MARS1: variants seen among roughly 807,000 people sequenced by gnomAD.
MARS1 encodes the protein methionyl-tRNA synthetase 1, also known as methionine--tRNA ligase, cytoplasmic.
In MARS1, 80 loss-of-function variants were observed where a neutral mutation model predicts 119.5. The ratio of observed to expected loss-of-function variants is 0.67; its 90% CI spans 0.56 to 0.81. The LOEUF is 0.81. MARS1 is among the 30% of genes least tolerant of loss of function. MARS1 has a pLI of 0.00. For missense variants in MARS1, 945 were observed against 1,116.5 expected, an observed-to-expected ratio of 0.85 and a Z score of 2.19; for synonymous variants, 418 against 433.4, an observed-to-expected ratio of 0.96 and a Z score of 0.44.
chr12:57,515,869 G>A, intron 18 of MARS1, 51 bp from the exon 19 acceptor site: 1 of 1,409,402 alleles, frequency 7.1e-7, no homozygotes, highest in African/African-American at 1.4e-5. Context: ...TATAGTCTAT[G>A]GTAGAGTCTG....
rs1875765721 is a variant in MARS1 at position 57,489,569 on chromosome 12, T to C, written c.414+11T>C. The C allele has an allele frequency of 6.2e-7, 1 of 1,613,914 alleles. No individual in the cohort carries two copies. Among genetic ancestry groups the C allele is most frequent in the Non-Finnish European group, 8.5e-7 (1 of 1,180,010 alleles). ...CCTTTCCTGGCTGGGGTGAGTTGGG[T>C]CTTGAGATGAGGACTGGGGAAGGCT... On this transcript the variant is annotated intron_variant, in intron 4 of 20. Transcript: ENST00000262027.
At chr12:57,504,021 A>C in intron 10 of MARS1, 1 of 584,706 alleles carries the variant, frequency 1.7e-6, no homozygotes, top group Non-Finnish European at 3.1e-6. Context: ...CAGAGATCTG[A>C]AACTCTGAGA....
rs779181351 is a variant in MARS1, at chr12:57,489,883, A to G, written c.415-13A>G. ...TCATTTGTGTACATTTTCCTTTTCT[A>G]TCCCCAACAAAGGAGACAGAATCTC... On this transcript the variant is annotated splice_polypyrimidine_tract_variant and intron_variant, in intron 4 of 20. Coordinates refer to ENST00000262027, the MANE Select transcript of MARS1 (RefSeq NM_004990.4). 4 of 1,612,096 alleles carry G rather than the reference A, an allele frequency of 2.5e-6. No homozygotes were observed. The highest frequency in any genetic ancestry group is 3.4e-6 in the Non-Finnish European group (4 of 1,178,162).
chr12:57,507,115 C>T (rs1877219281), intron 11 of MARS1, among the ~76,000 whole-genome samples: 1 of 151,544 alleles, frequency 6.6e-6, no homozygotes, highest in African/African-American at 2.4e-5. Flanking sequence ...CGCCCTTAAT[C>T]CATTTAACCC....
At position 57,512,352 on chromosome 12, in the gene MARS1, A is replaced by G. The variant is rs766539921; in HGVS notation, c.1752A>G (p.Thr584=). 1.9e-6 allele frequency: 3 copies of G among 1,607,720 alleles called. No homozygotes were observed. The highest frequency in any genetic ancestry group is 2.2e-5 in the South Asian group (2 of 90,928). ...NYTLVSHLIA[T]EYLNYEDGKF... ...CCTTGGTCAGCCACCTCATTGCTAC[A>G]GGTAAGTACCCTGGAAGACTACTGA... Residue 584 remains threonine (T), a splice_region_variant and synonymous_variant, in exon 14 of 21, where the codon ACA becomes ACG. Transcript: ENST00000262027.
At position 57,515,002 on chromosome 12, in the gene MARS1, C is replaced by G. The variant is rs747828520; in HGVS notation, c.2148C>G (p.Asn716Lys). The stretch of plus-strand genomic sequence containing the variant: ...TCCTCACCATATCTCGACATGGCAA[C>G]CAATATATTCAGGTGAATGAGCCCT... Reference protein sequence around the residue: ...RSILTISRHGNQYIQVNEPWK... With the variant: ...RSILTISRHGKQYIQVNEPWK... The change falls in exon 17 of 21, where the codon AAC (asparagine) becomes AAG (lysine). Residue 716 changes from asparagine (N) to lysine (K), a missense_variant. Physicochemically the swap from Asn to Lys is moderately conservative, Grantham distance 94. Transcript: ENST00000262027. The G allele has an allele frequency of 6.2e-7, 1 of 1,614,136 alleles. No individual in the cohort carries two copies. Among genetic ancestry groups the G allele is most frequent in the Non-Finnish European group, 8.5e-7 (1 of 1,180,042 alleles).
rs1398823090 is a variant in MARS1 at position 57,515,015 on chromosome 12, G to A, written c.2161G>A (p.Val721Met). The A allele has an allele frequency of 8.1e-6, 13 of 1,614,048 alleles. No homozygotes were observed. The highest frequency in any genetic ancestry group is 1.3e-5 in the African/African-American group (1 of 74,894). Reference protein sequence around the residue: ...ISRHGNQYIQVNEPWKRIKGS... With the variant: ...ISRHGNQYIQMNEPWKRIKGS... ...TCGACATGGCAACCAATATATTCAG[G>A]TGAATGAGCCCTGGAAGCGGATTAA... Residue 721 changes from valine to methionine, a missense_variant, in exon 17 of 21, where the codon GTG becomes ATG. Physicochemically the swap from Val to Met is conservative, Grantham distance 21. Coordinates refer to ENST00000262027, the MANE Select transcript of MARS1 (RefSeq NM_004990.4).
chr12:57,507,358 G>C (rs1037087649), intron 11 of MARS1, among the ~76,000 whole-genome samples: 1 of 147,844 alleles, frequency 6.8e-6, no homozygotes, highest in Non-Finnish European at 1.5e-5. Flanking sequence ...TTCTCAATGA[G>C]CTGTTGGGTA....
chr12:57,498,262 T>G lies in MARS1; in HGVS notation c.876T>G (p.Asp292Glu). Residue 292 changes from aspartate (D) to glutamate (E), a missense_variant, in exon 8 of 21, where the codon GAT becomes GAG. Asp to Glu is a conservative substitution (Grantham distance 45, BLOSUM62 2). Transcript: ENST00000262027. ...GNIIGCVLSA[D>E]VFARYSRLRQ... is the part of the protein sequence containing the mutation. The stretch of plus-strand genomic sequence containing the variant: ...TCATTGGTTGTGTGCTCAGTGCCGA[T>G]GTCTTTGCCAGGTGGAGCCAGCTGC... 1.2e-6 allele frequency: 2 copies of G among 1,614,106 alleles called. No individual in the cohort carries two copies. Among genetic ancestry groups the G allele is most frequent in the Non-Finnish European group, 1.7e-6 (2 of 1,179,950 alleles).
In MARS1 at chr12:57,494,920, C is replaced by T. The variant is rs1594815644; in HGVS notation, c.771-3237C>T. Among the ~76,000 whole-genome samples the T allele has an allele frequency of 3.9e-5, 6 of 152,318 alleles. No individual in the cohort carries two copies. The South Asian group carries it at 1.2e-3, about 32-fold the overall frequency. On this transcript the variant is annotated intron_variant, in intron 7 of 20. Coordinates refer to ENST00000262027, the MANE Select transcript of MARS1 (RefSeq NM_004990.4). ...ATGTCTACTTCTTTCCACACAGACA[C>T]AGTAACAATCTGATCTCTCTTTCTT...
chr12:57,514,157 CTTTTTTTT>C (rs568624285), intron 15 of MARS1, among the ~76,000 whole-genome samples: 1 of 131,222 alleles, frequency 7.6e-6, no homozygotes, highest in Non-Finnish European at 1.6e-5. Context: ...TGAGTAATGA[CTTTTTTTT>C]TTTTTTTTTG....
chr12:57,492,194 G>A (rs933362489), intron 7 of MARS1, among the ~76,000 whole-genome samples: 3 of 151,234 alleles, frequency 2.0e-5, no homozygotes, highest in Non-Finnish European at 4.4e-5. Flanking sequence ...CAGGAGAATC[G>A]CTTGAACCTG....
intron 7 of MARS1, among the ~76,000 whole-genome samples, chr12:57,493,530 A>T (rs1352964370): frequency 2.3e-4 from 2 of 8,884 alleles, no homozygotes; most frequent in Non-Finnish European, 2.3e-4. Flanking sequence ...AATATATTAT[A>T]ATATATAATA....
intron 1 of MARS1, chr12:57,488,523 C>T: frequency 2.6e-6 from 4 of 1,509,762 alleles, no homozygotes; most frequent in Non-Finnish European, 3.6e-6. Context: ...TCTTTAGTTA[C>T]TAGCATGACA....
chr12:57,504,155 C>A, intron 10 of MARS1, 70 bp from the exon 11 acceptor site: 1 of 1,034,104 alleles, frequency 9.7e-7, no homozygotes, highest in Non-Finnish European at 1.5e-6. Flanking sequence ...TCCTTCTCTG[C>A]TCCTCCCCTT....
intron 7 of MARS1, among the ~76,000 whole-genome samples, chr12:57,496,457 C>T (rs1876638956): frequency 6.6e-6 from 1 of 152,058 alleles, no homozygotes; most frequent in African/African-American, 2.4e-5. Flanking sequence ...GCCACTGCAT[C>T]CGGCCAATAC....
intron 1 of MARS1, 195 bp from the exon 2 acceptor site, chr12:57,488,824 C>T: frequency 1.3e-6 from 1 of 785,238 alleles, no homozygotes; most frequent in Non-Finnish European, 2.1e-6. Context: ...CTGGCAGTTT[C>T]AGCTGAACAC....
chr12:57,512,811 A>G lies in MARS1; in HGVS notation c.1814A>G (p.Asp605Gly), dbSNP rs756021768. The change falls in exon 15 of 21, where the codon GAC becomes GGC. Residue 605 changes from aspartate (D) to glycine (G), a missense_variant. Physicochemically the swap from Asp to Gly is moderately conservative, Grantham distance 94. Transcript: ENST00000262027. ...SKSRGVGVFG[D>G]MAQDTGIPAD... Reference sequence around the variant, plus strand: ...AGCCGCGGTGTGGGAGTGTTTGGGGACATGGCCCAGGACACGGGGATCCCT... The same window carrying G: ...AGCCGCGGTGTGGGAGTGTTTGGGGGCATGGCCCAGGACACGGGGATCCCT... 1 of 1,614,184 alleles carries G rather than the reference A, an allele frequency of 6.2e-7. No homozygotes were observed. Among genetic ancestry groups the G allele is most frequent in the East Asian group, 2.2e-5 (1 of 44,884 alleles).
chr12:57,513,296 A>C (rs1307028627), intron 15 of MARS1, among the ~76,000 whole-genome samples: 1 of 152,124 alleles, frequency 6.6e-6, no homozygotes, highest in East Asian at 1.9e-4. Context: ...GTTTGGCTGA[A>C]GAAAGGGGTT....
Sources: allele counts gnomAD v4.1 joint callset (sites outside exome capture counted in the v4.1 genomes callset), GRCh38; gene constraint gnomAD v4.1.1; transcripts MANE v1.5; gene names NCBI Gene and HGNC (gene_info 2026-07-23, HGNC 2026-07-21).